Variants in SKAP2 observed in about 807,000 individuals in gnomAD.
The protein encoded by SKAP2 is src kinase associated phosphoprotein 2, also known as src kinase-associated phosphoprotein 2.
Under a neutral mutation model 54.9 loss-of-function variants are expected in SKAP2, and 28 were observed. That is an observed-to-expected ratio of 0.51 (90% CI 0.38 to 0.70). SKAP2 has a LOEUF of 0.70. SKAP2 is among the 30% of genes least tolerant of loss of function. The pLI, the probability that SKAP2 is intolerant of heterozygous loss-of-function variation, is 0.00. For missense variants in SKAP2, 356 were observed against 424.1 expected, an observed-to-expected ratio of 0.84 and a Z score of 1.41; for synonymous variants, 137 against 134.3, an observed-to-expected ratio of 1.02 and a Z score of -0.14.
intron 11 of SKAP2, among the ~76,000 whole-genome samples, chr7:26,679,393 G>T (rs1310242745): frequency 6.6e-6 from 1 of 152,154 alleles, no homozygotes; most frequent in African/African-American, 2.4e-5. Flanking sequence ...TCCATAAACT[G>T]CTTTTCACTC....
intron 4 of SKAP2, among the ~76,000 whole-genome samples, chr7:26,807,441 C>A (rs576599230): frequency 6.6e-5 from 10 of 152,194 alleles, no homozygotes; most frequent in Non-Finnish European, 1.2e-4. Context: ...TCCTTGCTCT[C>A]TGTCTCTCCT....
At chr7:26,768,281 CT>C (rs150416174) in intron 4 of SKAP2, among the ~76,000 whole-genome samples, 65,244 of 139,874 alleles carry the variant, frequency 0.47, 14,458 homozygotes, top group South Asian at 0.52. Flanking sequence ...GCAACCCCTG[CT>C]TTTTTTTTTT....
At chr7:26,846,049 T>C (rs1029153873) in intron 3 of SKAP2, among the ~76,000 whole-genome samples, 1 of 152,218 alleles carries the variant, frequency 6.6e-6, no homozygotes, top group Admixed American at 6.5e-5. Flanking sequence ...TCATGGAATA[T>C]GTACCAGTAG....
intron 4 of SKAP2, among the ~76,000 whole-genome samples, chr7:26,841,192 C>G (rs1784809946): frequency 6.6e-6 from 1 of 152,028 alleles, no homozygotes; most frequent in Non-Finnish European, 1.5e-5. Context: ...ACTCTAGTCT[C>G]TCATTGAAAT....
At chr7:26,735,672 T>C (rs1267905728) in intron 6 of SKAP2, among the ~76,000 whole-genome samples, 1 of 152,230 alleles carries the variant, frequency 6.6e-6, no homozygotes, top group Non-Finnish European at 1.5e-5. Context: ...TGGAGGATTA[T>C]AGTTCTCATA....
intron 1 of SKAP2, among the ~76,000 whole-genome samples, chr7:26,855,983 T>C (rs1056318355): frequency 6.6e-6 from 1 of 152,130 alleles, no homozygotes; most frequent in African/African-American, 2.4e-5. Flanking sequence ...CAAAGTAGTA[T>C]AATAATCTAA....
intron 9 of SKAP2, among the ~76,000 whole-genome samples, chr7:26,720,511 G>A (rs1167278607): frequency 1.3e-5 from 2 of 151,620 alleles, no homozygotes; most frequent in Admixed American, 1.3e-4. Context: ...TTATAACTTC[G>A]GATAACCCTC....
At chr7:26,829,243 T>C (rs537059033) in intron 4 of SKAP2, among the ~76,000 whole-genome samples, 34 of 152,160 alleles carry the variant, frequency 2.2e-4, no homozygotes, top group Non-Finnish European at 4.3e-4. Context: ...ATAGGCCAGG[T>C]GCAGTGGCTC....
At chr7:26,744,494 T>C (rs995026131) in intron 4 of SKAP2, among the ~76,000 whole-genome samples, 1 of 152,066 alleles carries the variant, frequency 6.6e-6, no homozygotes, top group African/African-American at 2.4e-5. Context: ...CGCAAGTCCC[T>C]TGAGTAGGCA....
intron 4 of SKAP2, among the ~76,000 whole-genome samples, chr7:26,792,726 C>CTAA (rs1489935340): frequency 6.6e-6 from 1 of 152,034 alleles, no homozygotes; most frequent in East Asian, 1.9e-4. Flanking sequence ...AATAAAGGCA[C>CTAA]TTTAGTTCAA....
At chr7:26,856,554 AG>A (rs1217278684) in intron 1 of SKAP2, among the ~76,000 whole-genome samples, 14 of 152,258 alleles carry the variant, frequency 9.2e-5, no homozygotes, top group Non-Finnish European at 2.1e-4. Flanking sequence ...CTTATGAAGA[AG>A]CATGTTGCTC....
In SKAP2 at chr7:26,800,470, C is replaced by T. The variant is rs79943979; in HGVS notation, c.307+43560G>A. ...ACTTGAAAAGCAAGAGCAAACCAAA[C>T]CCAAAATTAGTAGAAGAAAAAATAA... On this transcript the variant is annotated intron_variant, in intron 4 of 12. Coordinates refer to ENST00000345317, the MANE Select transcript of SKAP2 (RefSeq NM_003930.5). 7.3e-3 allele frequency among the ~76,000 whole-genome samples: 1,102 copies of T among 151,616 alleles called. 12 individuals carry two copies. The highest frequency in any genetic ancestry group is 0.011 in the Non-Finnish European group (728 of 67,862).
At chr7:26,665,965 GTTT>G (rs1786099244), downstream of SKAP2, among the ~76,000 whole-genome samples, 1 of 150,762 alleles carries the variant, frequency 6.6e-6, no homozygotes, top group Admixed American at 6.6e-5. Flanking sequence ...TTCATCAAAT[GTTT>G]TTATTTTATA....
At chr7:26,762,408 T>C (rs1465082703) in intron 4 of SKAP2, among the ~76,000 whole-genome samples, 1 of 152,196 alleles carries the variant, frequency 6.6e-6, no homozygotes, top group African/African-American at 2.4e-5. Context: ...ACTCTAGACA[T>C]ACAATTAATG....
chr7:26,761,269 TA>T (rs1782923652), intron 4 of SKAP2, among the ~76,000 whole-genome samples: 1 of 152,182 alleles, frequency 6.6e-6, no homozygotes, highest in Non-Finnish European at 1.5e-5. Context: ...ATACTGCAAT[TA>T]AAAAATTTAA....
intron 4 of SKAP2, among the ~76,000 whole-genome samples, chr7:26,765,434 T>A (rs1007200310): frequency 1.3e-5 from 2 of 152,200 alleles, no homozygotes; most frequent in African/African-American, 4.8e-5. Context: ...CTCATTCTGA[T>A]GATAGTTTCT....
chr7:26,854,739 A>C, intron 2 of SKAP2, 46 bp downstream of exon 2: 1 of 1,514,714 alleles, frequency 6.6e-7, no homozygotes, highest in Non-Finnish European at 9.0e-7. Flanking sequence ...TAGTTACAAA[A>C]CTGCTTCTAT....
Position 26,757,020 on chromosome 7 carries a change from T to C in SKAP2, c.308-17056A>G, listed in dbSNP as rs572689309. 1.9e-3 allele frequency among the ~76,000 whole-genome samples: 286 copies of C among 152,318 alleles called. 2 individuals carry two copies. The highest frequency in any genetic ancestry group is 6.5e-3 in the African/African-American group (271 of 41,568). On this transcript the variant is annotated intron_variant, in intron 4 of 12. Coordinates refer to ENST00000345317, the MANE Select transcript of SKAP2 (RefSeq NM_003930.5). ...TTCATACCCTTCACCCACTTTTTGATGGGGTTGTTTTTTTCTTGTGAATTT... is the reference window on the plus strand; with the variant it reads ...TTCATACCCTTCACCCACTTTTTGACGGGGTTGTTTTTTTCTTGTGAATTT...
At chr7:26,697,428 T>C (rs1304780315) in intron 9 of SKAP2, among the ~76,000 whole-genome samples, 1 of 152,202 alleles carries the variant, frequency 6.6e-6, no homozygotes, top group Non-Finnish European at 1.5e-5. Context: ...GTACTAGGTA[T>C]TAGGAAGTTA....
Sources: allele counts gnomAD v4.1 joint callset (sites outside exome capture counted in the v4.1 genomes callset), GRCh38; gene constraint gnomAD v4.1.1; transcripts MANE v1.5; gene names NCBI Gene and HGNC (gene_info 2026-07-23, HGNC 2026-07-21).